The following ARHGAP29 variants were observed in gnomAD, a reference collection of about 807,000 sequenced individuals.
ARHGAP29 encodes rho GTPase-activating protein 29.
Under a neutral mutation model 122.6 loss-of-function variants are expected in ARHGAP29, and 43 were observed. The ratio of observed to expected loss-of-function variants is 0.35; its 90% CI spans 0.27 to 0.45. ARHGAP29 has a LOEUF of 0.45. Among genes scored for constraint, ARHGAP29 ranks in the 20% least tolerant of loss-of-function variants. The pLI, the probability that ARHGAP29 is intolerant of heterozygous loss-of-function variation, is 1.00. For missense variants in ARHGAP29, 1,303 were observed against 1,477.2 expected, an observed-to-expected ratio of 0.88 and a Z score of 1.93; for synonymous variants, 506 against 497.1, an observed-to-expected ratio of 1.02 and a Z score of -0.24.
chr1:94,188,822 TA>T lies in ARHGAP29; in HGVS notation c.1681+14del. 1.3e-6 allele frequency: 2 copies of T among 1,596,410 alleles called. No homozygotes were observed. Among genetic ancestry groups the T allele is most frequent in the South Asian group, 1.1e-5 (1 of 88,764 alleles). On this transcript the variant is annotated intron_variant, in intron 15 of 22. Transcript: ENST00000260526. ...TTCAATGAGTTTTCATTGCCAGACT[TA>T]AATATAGATGTACCTGGACTTATAG...
At chr1:94,233,043 C>T (rs964118864) in intron 1 of ARHGAP29, among the ~76,000 whole-genome samples, 2 of 150,998 alleles carry the variant, frequency 1.3e-5, no homozygotes, top group African/African-American at 2.4e-5. Context: ...CTCCTGGGCT[C>T]GGGCCATCTG....
chr1:94,274,042 G>A (rs1378603923), intron 1 of ARHGAP29, among the ~76,000 whole-genome samples: 1 of 152,178 alleles, frequency 6.6e-6, no homozygotes, highest in East Asian at 1.9e-4. Context: ...AAGACAGGGT[G>A]TCATTATTAT....
At chr1:94,277,309 A>G (rs983764732), upstream of ARHGAP29, among the ~76,000 whole-genome samples, 4 of 152,190 alleles carry the variant, frequency 2.6e-5, no homozygotes, top group Admixed American at 6.5e-5. Flanking sequence ...GATGAGTTAA[A>G]TATGCAGAGG....
intron 1 of ARHGAP29, among the ~76,000 whole-genome samples, chr1:94,245,675 T>C (rs1653769854): frequency 6.6e-6 from 1 of 152,172 alleles, no homozygotes; most frequent in African/African-American, 2.4e-5. Context: ...CTTGGGAAAC[T>C]CACGATATTA....
chr1:94,233,879 A>G (rs949022148), intron 1 of ARHGAP29, among the ~76,000 whole-genome samples: 8 of 152,208 alleles, frequency 5.3e-5, no homozygotes, highest in African/African-American at 1.9e-4. Flanking sequence ...ACTTGGTTTC[A>G]TACACATAAT....
At chr1:94,308,009 C>G in the ARHGAP29 span, among the ~76,000 whole-genome samples, 1 of 152,176 alleles carries the variant, frequency 6.6e-6, no homozygotes, top group Non-Finnish European at 1.5e-5. Context: ...TAACATTACT[C>G]TCTGTCCCTC....
intron 1 of ARHGAP29, among the ~76,000 whole-genome samples, chr1:94,234,014 T>G (rs751290825): frequency 2.6e-5 from 4 of 152,174 alleles, no homozygotes; most frequent in Non-Finnish European, 4.4e-5. Context: ...GCTCAAAGCT[T>G]ACCTCCTCAA....
At chr1:94,251,094 TAC>T (rs1654064997) in intron 1 of ARHGAP29, among the ~76,000 whole-genome samples, 1 of 152,152 alleles carries the variant, frequency 6.6e-6, no homozygotes, top group South Asian at 2.1e-4. Flanking sequence ...GTGCTAGTGA[TAC>T]ACTTTTAATT....
rs1570506240 is a variant in ARHGAP29, at chr1:94,189,979, C to T, written c.1386G>A (p.Glu462=). 6.2e-7 allele frequency: 1 copy of T among 1,613,480 alleles called. No individual in the cohort carries two copies. Among genetic ancestry groups the T allele is most frequent in the Non-Finnish European group, 8.5e-7 (1 of 1,179,618 alleles). The change falls in exon 13 of 23, where the codon GAG becomes GAA. Residue 462 remains glutamate, a synonymous_variant. Coordinates refer to ENST00000260526, the MANE Select transcript of ARHGAP29 (RefSeq NM_004815.4). The part of the protein sequence containing the change: ...DSAKLYDPGQ[E]YSEFVKATNS... ...TTGTGGCCTTGACAAATTCACTGTA[C>T]TCTTGGCCTGGGTCATAGAGTTTGG...
intron 19 of ARHGAP29, among the ~76,000 whole-genome samples, chr1:94,181,308 C>T (rs991507431): frequency 1.2e-4 from 19 of 152,188 alleles, no homozygotes; most frequent in South Asian, 2.1e-4. Flanking sequence ...TGCCACTTCA[C>T]GCTTCTGAGC....
In ARHGAP29 at chr1:94,172,297, A is replaced by G. The variant is rs1648783008; in HGVS notation, c.*1572T>C. ...AGCACCTTGGCAAAGTTCCTGGCAC[A>G]CAGAGAAGGCTCAATACACATGGGC... On this transcript the variant is annotated 3_prime_UTR_variant, in exon 23 of 23. Coordinates refer to ENST00000260526, the MANE Select transcript of ARHGAP29 (RefSeq NM_004815.4). 1 of 152,178 alleles carries G rather than the reference A, an allele frequency of 6.6e-6. No individual in the cohort carries two copies. Among genetic ancestry groups the G allele is most frequent in the Admixed American group, 6.5e-5 (1 of 15,272 alleles). The allele number at this position is 152,178 out of a possible 1,614,324, so 9.4% of individuals were successfully genotyped here.
the ARHGAP29 span, among the ~76,000 whole-genome samples, chr1:94,304,466 A>C: frequency 1.3e-4 from 20 of 152,136 alleles, no homozygotes; most frequent in Non-Finnish European, 2.4e-4. Context: ...TGCTCAACTC[A>C]AGACTCAGCT....
intron 14 of ARHGAP29, 46 bp downstream of exon 14, chr1:94,189,170 A>G (rs1461519008): frequency 1.3e-6 from 2 of 1,560,778 alleles, no homozygotes; most frequent in Non-Finnish European, 1.7e-6. Flanking sequence ...CATTCGAACA[A>G]CCTGACCTTT....
intron 22 of ARHGAP29, 70 bp downstream of exon 22, chr1:94,177,542 G>C: frequency 8.1e-7 from 1 of 1,240,426 alleles, no homozygotes; most frequent in Non-Finnish European, 1.1e-6. Flanking sequence ...CCTCACCTTG[G>C]TTTTAATCAC....
intron 12 of ARHGAP29, among the ~76,000 whole-genome samples, chr1:94,201,313 A>AT (rs1650828969): frequency 6.6e-6 from 1 of 152,218 alleles, no homozygotes; most frequent in African/African-American, 2.4e-5. Flanking sequence ...TTCAAACTGT[A>AT]TATCACTATG....
At chr1:94,192,524 C>T (rs1311673841) in intron 12 of ARHGAP29, 1 of 152,142 alleles carries the variant, frequency 6.6e-6, no homozygotes, top group African/African-American at 2.4e-5. Context: ...CTGCCCCAGA[C>T]CCCAAGCAAG....
chr1:94,174,243 C>G lies in ARHGAP29; in HGVS notation c.3412G>C (p.Ala1138Pro), dbSNP rs890306926. The change falls in exon 23 of 23, where the codon GCA (alanine) becomes CCA (proline). Residue 1138 changes from alanine to proline, a missense_variant. By Grantham distance (27) the Ala-to-Pro change is conservative. Coordinates refer to ENST00000260526, the MANE Select transcript of ARHGAP29 (RefSeq NM_004815.4). ...GAATCTGAAGACCGTCTCTCAGATG[C>G]CTCTCTCACTGACCTGACTGGCTCT... The part of the protein sequence containing the change: ...YAEPVRSVRE[A>P]SERRSSDSYP... 8 of 1,614,064 alleles carry G rather than the reference C, an allele frequency of 5.0e-6. No homozygotes were observed. The African/African-American group carries it at 9.3e-5, about 19-fold the overall frequency.
chr1:94,210,280 G>A (rs965418473), intron 3 of ARHGAP29, among the ~76,000 whole-genome samples: 1 of 152,284 alleles, frequency 6.6e-6, no homozygotes, highest in Middle Eastern at 3.4e-3. Flanking sequence ...TTTTAAAACA[G>A]AGTTGTCTTT....
chr1:94,282,864 C>G, the ARHGAP29 span, among the ~76,000 whole-genome samples: 1 of 151,984 alleles, frequency 6.6e-6, no homozygotes, highest in African/African-American at 2.4e-5. Context: ...TGTCTCCAGG[C>G]AAAAATAAGG....
Sources: allele counts gnomAD v4.1 joint callset (sites outside exome capture counted in the v4.1 genomes callset), GRCh38; gene constraint gnomAD v4.1.1; transcripts MANE v1.5; gene names NCBI Gene and HGNC (gene_info 2026-07-23, HGNC 2026-07-21).